Variants in NRXN1 observed in about 807,000 individuals in gnomAD.
The protein encoded by NRXN1 is neurexin-1.
In NRXN1, 39 loss-of-function variants were observed where a neutral mutation model predicts 150.9. The ratio of observed to expected loss-of-function variants is 0.26; its 90% CI spans 0.20 to 0.34. The LOEUF (loss-of-function observed/expected upper bound fraction) is 0.34, where lower values mean the gene tolerates loss of function less well. Ranked by LOEUF, NRXN1 falls within the 10% of genes least tolerant of loss-of-function variation. The probability of loss-of-function intolerance (pLI) is 1.00; values close to 1 mark genes in which losing one functional copy is unlikely to be tolerated. For synonymous variants in NRXN1, 924 were observed against 757.0 expected, an observed-to-expected ratio of 1.22 and a Z score of -3.62; for missense variants, 1,815 against 1,949.9, an observed-to-expected ratio of 0.93 and a Z score of 1.30.
At chr2:50,811,176 C>A (rs1668163160) in intron 5 of NRXN1, among the ~76,000 whole-genome samples, 2 of 152,028 alleles carry the variant, frequency 1.3e-5, no homozygotes, top group African/African-American at 2.4e-5. Flanking sequence ...AATACATATC[C>A]TTTCTCTCAA....
intron 21 of NRXN1, among the ~76,000 whole-genome samples, chr2:50,018,956 G>C (rs1004488362): frequency 3.3e-5 from 5 of 152,242 alleles, no homozygotes; most frequent in East Asian, 1.9e-4. Flanking sequence ...ATATGTGTTG[G>C]CAGGGTTAAG....
At position 50,823,915 on chromosome 2, in the gene NRXN1, G is replaced by GTC. The variant is rs565383722; in HGVS notation, c.832+97953_832+97954insGA. 4.0e-4 allele frequency among the ~76,000 whole-genome samples: 61 copies of GTC among 152,186 alleles called. 1 individual carries two copies. Among genetic ancestry groups the GTC allele is most frequent in the African/African-American group, 1.4e-3 (60 of 41,544 alleles). ...AAATATTTCTGGGACATTTTGAATT[G>GTC]ACTTTCCTCTCTGTGAATGGCAACA... On this transcript the variant is annotated intron_variant, in intron 5 of 22. Transcript: ENST00000401669.
intron 5 of NRXN1, among the ~76,000 whole-genome samples, chr2:50,781,762 T>C (rs923030374): frequency 1.3e-5 from 2 of 152,224 alleles, no homozygotes; most frequent in Non-Finnish European, 2.9e-5. Context: ...ATTTATGCCT[T>C]TTTATTCAGC....
chr2:50,317,537 TG>T (rs1250214163), intron 17 of NRXN1, among the ~76,000 whole-genome samples: 2 of 151,466 alleles, frequency 1.3e-5, no homozygotes, highest in Non-Finnish European at 3.0e-5. Flanking sequence ...AAATTCAAAA[TG>T]AGGTTAAAAT....
chr2:50,165,638 C>G (rs1312018364), intron 18 of NRXN1, among the ~76,000 whole-genome samples: 1 of 152,080 alleles, frequency 6.6e-6, no homozygotes, highest in African/African-American at 2.4e-5. Context: ...CGTGAGCCAC[C>G]CACCGCGCCC....
chr2:50,293,687 A>G (rs1418624682), intron 17 of NRXN1, among the ~76,000 whole-genome samples: 2 of 152,146 alleles, frequency 1.3e-5, no homozygotes, highest in Non-Finnish European at 2.9e-5. Flanking sequence ...AGAAATACAC[A>G]CTGCTATTAG....
intron 5 of NRXN1, among the ~76,000 whole-genome samples, chr2:50,710,342 C>G (rs937914281): frequency 6.6e-6 from 1 of 152,184 alleles, no homozygotes; most frequent in Admixed American, 6.5e-5. Flanking sequence ...CAGATCACTA[C>G]AGAGAACATT....
intron 18 of NRXN1, among the ~76,000 whole-genome samples, chr2:50,128,463 G>T (rs1315675226): frequency 6.6e-6 from 1 of 151,976 alleles, no homozygotes; most frequent in East Asian, 1.9e-4. Context: ...ATTACCTTTT[G>T]GCAATAAAAG....
intron 17 of NRXN1, among the ~76,000 whole-genome samples, chr2:50,238,361 C>T (rs981539757): frequency 1.3e-5 from 2 of 151,986 alleles, no homozygotes; most frequent in African/African-American, 4.8e-5. Context: ...AAATCTACAT[C>T]GTTGTTTCTC....
At chr2:50,581,916 G>T (rs952582883) in intron 8 of NRXN1, among the ~76,000 whole-genome samples, 3 of 152,086 alleles carry the variant, frequency 2.0e-5, no homozygotes, top group African/African-American at 7.2e-5. Context: ...GCTAGGTCAT[G>T]GTGGAGAGTG....
At chr2:50,810,483 CA>C (rs2105758382) in intron 5 of NRXN1, among the ~76,000 whole-genome samples, 1 of 152,158 alleles carries the variant, frequency 6.6e-6, no homozygotes, top group Admixed American at 6.5e-5. Flanking sequence ...TTAATCACTC[CA>C]ATAAACATTT....
At chr2:50,310,023 G>T (rs997802734) in intron 17 of NRXN1, among the ~76,000 whole-genome samples, 3 of 152,052 alleles carry the variant, frequency 2.0e-5, no homozygotes, top group African/African-American at 7.2e-5. Flanking sequence ...AGTTCCAGAT[G>T]GTATATGTGC....
intron 17 of NRXN1, among the ~76,000 whole-genome samples, chr2:50,264,746 G>C (rs1018705641): frequency 1.1e-4 from 17 of 151,886 alleles, no homozygotes; most frequent in Admixed American, 1.1e-3. Context: ...CTGTACACAC[G>C]GCAGGAAGAA....
At chr2:50,406,143 A>G (rs1489554381) in intron 17 of NRXN1, among the ~76,000 whole-genome samples, 2 of 152,018 alleles carry the variant, frequency 1.3e-5, no homozygotes, top group African/African-American at 2.4e-5. Context: ...TGCTTTTCCA[A>G]TGTTTTCTGC....
chr2:50,622,404 C>A (rs922181960), intron 6 of NRXN1, among the ~76,000 whole-genome samples: 1 of 152,034 alleles, frequency 6.6e-6, no homozygotes, highest in Non-Finnish European at 1.5e-5. Flanking sequence ...TTCAGAGAAA[C>A]AACAAATATG....
intron 21 of NRXN1, among the ~76,000 whole-genome samples, chr2:49,962,000 G>A (rs1676045779): frequency 1.3e-5 from 2 of 152,052 alleles, no homozygotes; most frequent in African/African-American, 4.8e-5. Context: ...CAGCCACCTG[G>A]AGGAGGCCGA....
intron 21 of NRXN1, 43 bp from the exon 22 acceptor site, chr2:49,943,834 A>G: frequency 1.5e-6 from 2 of 1,373,474 alleles, no homozygotes; most frequent in South Asian, 1.2e-5. Context: ...AAAGGGTCCT[A>G]ACAGATTCTC....
intron 18 of NRXN1, among the ~76,000 whole-genome samples, chr2:50,236,360 G>C (rs190564802): frequency 2.6e-5 from 4 of 151,956 alleles, no homozygotes; most frequent in African/African-American, 9.7e-5. Flanking sequence ...TGTAGCTTCA[G>C]ATAAGTACTT....
intron 5 of NRXN1, among the ~76,000 whole-genome samples, chr2:50,743,988 C>G (rs1277367096): frequency 6.6e-6 from 1 of 152,152 alleles, no homozygotes; most frequent in Admixed American, 6.6e-5. Context: ...CAAACACAAA[C>G]TGTAATCCTT....
Sources: allele counts gnomAD v4.1 joint callset (sites outside exome capture counted in the v4.1 genomes callset), GRCh38; gene constraint gnomAD v4.1.1; transcripts MANE v1.5; gene names NCBI Gene and HGNC (gene_info 2026-07-23, HGNC 2026-07-21).